ABCB1: variants seen among roughly 807,000 people sequenced by gnomAD.
ABCB1 encodes the protein ATP binding cassette subfamily B member 1, also known as ATP-dependent translocase ABCB1.
In ABCB1, 69 loss-of-function variants were observed where a neutral mutation model predicts 142.0. The ratio of observed to expected loss-of-function variants is 0.49; its 90% CI spans 0.40 to 0.59. The LOEUF is 0.59. ABCB1 is among the 20% of genes least tolerant of loss of function. The probability of loss-of-function intolerance (pLI) is 0.00; values close to 1 mark genes in which losing one functional copy is unlikely to be tolerated. For missense variants in ABCB1, 1,326 were observed against 1,554.7 expected, an observed-to-expected ratio of 0.85 and a Z score of 2.47; for synonymous variants, 532 against 539.2, an observed-to-expected ratio of 0.99 and a Z score of 0.18.
chr7:87,703,198 T>C (rs749998078), intron 1 of ABCB1, among the ~76,000 whole-genome samples: 9 of 152,170 alleles, frequency 5.9e-5, no homozygotes, highest in Non-Finnish European at 8.8e-5. Flanking sequence ...ATAACAATTA[T>C]CTTTCCAAAT....
chr7:87,569,613 A>G (rs527760702), intron 5 of ABCB1, among the ~76,000 whole-genome samples: 2 of 152,128 alleles, frequency 1.3e-5, no homozygotes, highest in East Asian at 1.9e-4. Context: ...TTTCATTGTC[A>G]TGTCGTATGA....
intron 1 of ABCB1, chr7:87,659,151 G>A (rs1016316310): frequency 1.1e-4 from 43 of 397,928 alleles, no homozygotes; most frequent in African/African-American, 8.5e-4. Context: ...AATAGAATGA[G>A]ACCCTGTCTC....
At chr7:87,563,388 T>C (rs1470509845) in intron 7 of ABCB1, 14 of 455,224 alleles carry the variant, frequency 3.1e-5, no homozygotes, top group Non-Finnish European at 2.6e-5. Context: ...GTATCCTTGA[T>C]GAACAAATAT....
At position 87,519,357 on chromosome 7, in the gene ABCB1, G is replaced by A; in HGVS notation, c.2896C>T (p.His966Tyr). The change falls in exon 23 of 28, where the codon CAT (histidine) becomes TAT (tyrosine). Residue 966 changes from histidine to tyrosine, a missense_variant. By Grantham distance (83) the His-to-Tyr change is moderately conservative. Transcript: ENST00000622132. Reference protein sequence around the residue: ...CFRFGAYLVAHKLMSFEDVLL... With the variant: ...CFRFGAYLVAYKLMSFEDVLL... Reference sequence around the variant, plus strand: ...ACATCCTCAAAGCTCATGAGTTTATGTGCCACCAAGTAGGCTCCAAACCGG... The same window carrying A: ...ACATCCTCAAAGCTCATGAGTTTATATGCCACCAAGTAGGCTCCAAACCGG... 6.2e-7 allele frequency: 1 copy of A among 1,614,092 alleles called. No individual in the cohort carries two copies. The highest frequency in any genetic ancestry group is 8.5e-7 in the Non-Finnish European group (1 of 1,179,956).
intron 1 of ABCB1, among the ~76,000 whole-genome samples, chr7:87,692,256 G>T (rs1828082617): frequency 6.6e-6 from 1 of 152,082 alleles, no homozygotes; most frequent in South Asian, 2.1e-4. Flanking sequence ...TTTGAGACCA[G>T]CCTGAGCAAC....
intron 8 of ABCB1, among the ~76,000 whole-genome samples, chr7:87,560,224 G>T (rs1380781811): frequency 6.6e-6 from 1 of 152,122 alleles, no homozygotes; most frequent in African/African-American, 2.4e-5. Context: ...TAAAGCAAAA[G>T]CAAAGACTTT....
intron 20 of ABCB1, among the ~76,000 whole-genome samples, chr7:87,532,270 C>T (rs1192335702): frequency 1.3e-5 from 2 of 152,104 alleles, no homozygotes; most frequent in African/African-American, 4.8e-5. Context: ...CCTGCCCTGG[C>T]CCCAGACCTG....
chr7:87,646,943 C>A (rs899869636), intron 1 of ABCB1, among the ~76,000 whole-genome samples: 2 of 151,996 alleles, frequency 1.3e-5, no homozygotes, highest in African/African-American at 4.8e-5. Flanking sequence ...ATGTTATTTC[C>A]CGTTATTGCA....
At chr7:87,686,998 A>G (rs1024914486) in intron 1 of ABCB1, among the ~76,000 whole-genome samples, 6 of 151,992 alleles carry the variant, frequency 3.9e-5, no homozygotes, top group Non-Finnish European at 7.4e-5. Flanking sequence ...ATACCAGACA[A>G]GTATAGACTG....
At chr7:87,708,593 G>C (rs1299722390) in intron 1 of ABCB1, among the ~76,000 whole-genome samples, 1 of 152,032 alleles carries the variant, frequency 6.6e-6, no homozygotes, top group Non-Finnish European at 1.5e-5. Flanking sequence ...AGAGTTGTCT[G>C]TCAGATATTT....
intron 25 of ABCB1, among the ~76,000 whole-genome samples, chr7:87,512,962 A>C (rs1815083372): frequency 6.6e-6 from 1 of 152,182 alleles, no homozygotes; most frequent in Non-Finnish European, 1.5e-5. Flanking sequence ...AAGGCTAAAA[A>C]CTATTTCCCA....
At chr7:87,643,646 G>C (rs1822673519) in intron 1 of ABCB1, among the ~76,000 whole-genome samples, 4 of 151,722 alleles carry the variant, frequency 2.6e-5, no homozygotes, top group African/African-American at 9.7e-5. Flanking sequence ...TCAGCCTCCT[G>C]AGTAGCTGGG....
In ABCB1 at chr7:87,623,422, T is replaced by G. The variant is rs192170975; in HGVS notation, c.-330-22344A>C. 9.8e-4 allele frequency among the ~76,000 whole-genome samples: 150 copies of G among 152,364 alleles called. 1 individual carries two copies. Among genetic ancestry groups the G allele is most frequent in the African/African-American group, 3.5e-3 (146 of 41,590 alleles). The stretch of plus-strand genomic sequence containing the variant: ...CAATGACTTTTTACAGAGAACAGTT[T>G]GTGAGACCCATCAAGGTACTCTTCA... On this transcript the variant is annotated intron_variant, in intron 1 of 28. Transcript: ENST00000265724.
upstream of ABCB1, among the ~76,000 whole-genome samples, chr7:87,605,764 A>C (rs1429941217): frequency 3.3e-5 from 5 of 152,204 alleles, no homozygotes; most frequent in East Asian, 9.6e-4. Context: ...TAAAGACAAA[A>C]ACAGCATATT....
intron 25 of ABCB1, among the ~76,000 whole-genome samples, chr7:87,509,911 G>T (rs935169089): frequency 2.0e-5 from 3 of 152,160 alleles, no homozygotes; most frequent in African/African-American, 7.2e-5. Flanking sequence ...GAAGAAGAAG[G>T]AGGGAGAAGA....
chr7:87,581,767 C>T (rs1486804206), intron 4 of ABCB1, among the ~76,000 whole-genome samples: 1 of 152,204 alleles, frequency 6.6e-6, no homozygotes, highest in Non-Finnish European at 1.5e-5. Context: ...AACCCCCAGG[C>T]TTTCAAGAGC....
intron 16 of ABCB1, among the ~76,000 whole-genome samples, 188 bp downstream of exon 16, chr7:87,544,635 A>T (rs1816692018): frequency 6.6e-6 from 1 of 152,210 alleles, no homozygotes; most frequent in South Asian, 2.1e-4. Context: ...TTTTAATTCT[A>T]AAAATTCTGC....
intron 1 of ABCB1, chr7:87,694,121 G>C: frequency 5.3e-6 from 4 of 759,520 alleles, no homozygotes; most frequent in Non-Finnish European, 6.4e-6. Flanking sequence ...TTAATCCAGA[G>C]AGCACAAGTA....
intron 13 of ABCB1, 59 bp downstream of exon 13, chr7:87,549,792 A>T: frequency 6.4e-7 from 1 of 1,563,240 alleles, no homozygotes; most frequent in Non-Finnish European, 8.8e-7. Flanking sequence ...CTTCCTGCAT[A>T]GTAGGCCTGC....
Sources: gnomAD v4.1 joint callset for allele counts (sites outside exome capture counted in the v4.1 genomes callset) on GRCh38, gnomAD v4.1.1 for gene constraint, MANE v1.5 for transcripts, NCBI Gene and HGNC (gene_info 2026-07-23, HGNC 2026-07-21) for gene names.